SRD5A2: variants seen among roughly 807,000 people sequenced by gnomAD.
SRD5A2 encodes steroid 5 alpha-reductase 2.
Under a neutral mutation model 27.4 loss-of-function variants are expected in SRD5A2, and 30 were observed. The observed-to-expected ratio is 1.10, with a 90% CI of 0.82 to 1.49. The LOEUF (loss-of-function observed/expected upper bound fraction) is 1.49. Ranked by LOEUF, SRD5A2 falls within the 40% of genes most tolerant of loss-of-function variation. The probability of loss-of-function intolerance (pLI) is 0.00; values close to 1 mark genes in which losing one functional copy is unlikely to be tolerated. For missense variants in SRD5A2, 348 were observed against 323.4 expected (o/e 1.08, Z -0.58); for synonymous variants, 141 against 133.6 (o/e 1.06, Z -0.38).
chr2:31,622,201 A>G, the SRD5A2 span, among the ~76,000 whole-genome samples: 468 of 152,120 alleles, frequency 3.1e-3, 2 homozygotes, highest in Non-Finnish European at 4.4e-3. Context: ...GCTCCCACTT[A>G]TAAGTGAGAA....
chr2:31,643,849 T>C, the SRD5A2 span, among the ~76,000 whole-genome samples: 1 of 152,166 alleles, frequency 6.6e-6, no homozygotes, highest in African/African-American at 2.4e-5. Context: ...ATATCAACAG[T>C]CAATAAATGG....
At chr2:31,551,328 A>G (rs1324140094) in intron 1 of SRD5A2, among the ~76,000 whole-genome samples, 1 of 152,178 alleles carries the variant, frequency 6.6e-6, no homozygotes, top group Non-Finnish European at 1.5e-5. Flanking sequence ...TAAAAAATAT[A>G]GACAAGATAA....
chr2:31,536,708 G>T (rs996605077), intron 1 of SRD5A2, among the ~76,000 whole-genome samples: 4 of 150,738 alleles, frequency 2.7e-5, no homozygotes, highest in Non-Finnish European at 5.9e-5. Flanking sequence ...TTGTTTCACT[G>T]TAGAAAAAGA....
chr2:31,531,865 C>G (rs1031010352), intron 2 of SRD5A2, among the ~76,000 whole-genome samples: 1 of 152,200 alleles, frequency 6.6e-6, no homozygotes, highest in Non-Finnish European at 1.5e-5. Flanking sequence ...AGCCCCTTTT[C>G]TTTTGCCATC....
intron 1 of SRD5A2, among the ~76,000 whole-genome samples, chr2:31,575,476 G>C (rs896876683): frequency 6.6e-6 from 1 of 152,166 alleles, no homozygotes; most frequent in Admixed American, 6.5e-5. Context: ...AAAGCCCAAA[G>C]AACAGCATCA....
chr2:31,564,955 T>C (rs1666699759), intron 1 of SRD5A2, among the ~76,000 whole-genome samples: 5 of 151,964 alleles, frequency 3.3e-5, no homozygotes, highest in Admixed American at 1.3e-4. Flanking sequence ...AACTTTTTTA[T>C]TATCTTATTT....
At chr2:31,592,240 T>A in the SRD5A2 span, among the ~76,000 whole-genome samples, 2 of 150,760 alleles carry the variant, frequency 1.3e-5, no homozygotes, top group African/African-American at 4.9e-5. Flanking sequence ...CTGGAGGCCA[T>A]CCAACTCAAG....
At chr2:31,553,372 C>T (rs962902192) in intron 1 of SRD5A2, among the ~76,000 whole-genome samples, 4 of 152,168 alleles carry the variant, frequency 2.6e-5, no homozygotes, top group Non-Finnish European at 4.4e-5. Context: ...AAGAAACAAT[C>T]ACTGAAAATT....
rs149855369 is a variant in SRD5A2, at chr2:31,577,408, A to C, written c.281+3212T>G. On this transcript the variant is annotated intron_variant, in intron 1 of 4. Transcript: ENST00000622030. ...CTGTCTGTACGGTTGTTGTAAGTAG[A>C]GTTCATTCATGCATTCAACAAATTC... Among the ~76,000 whole-genome samples the C allele has an allele frequency of 5.8e-4, 89 of 152,244 alleles. 1 individual carries two copies. Among genetic ancestry groups the C allele is most frequent in the Admixed American group, 4.4e-3 (67 of 15,292 alleles).
chr2:31,603,628 G>A, the SRD5A2 span, among the ~76,000 whole-genome samples: 2 of 151,854 alleles, frequency 1.3e-5, no homozygotes, highest in South Asian at 2.1e-4. Flanking sequence ...CAATAGCAAA[G>A]ACATGGAATC....
At chr2:31,536,460 A>G (rs1666029121) in intron 1 of SRD5A2, among the ~76,000 whole-genome samples, 1 of 152,228 alleles carries the variant, frequency 6.6e-6, no homozygotes, top group Non-Finnish European at 1.5e-5. Flanking sequence ...GATTTTCTTA[A>G]TGACCATGCT....
chr2:31,610,065 C>T, the SRD5A2 span, among the ~76,000 whole-genome samples: 1 of 152,054 alleles, frequency 6.6e-6, no homozygotes, highest in African/African-American at 2.4e-5. Context: ...GACCCCAAAG[C>T]CTTCACTGTT....
At chr2:31,554,971 G>GTGTA (rs1553326424) in intron 1 of SRD5A2, among the ~76,000 whole-genome samples, 235 of 134,680 alleles carry the variant, frequency 1.7e-3, no homozygotes, top group Non-Finnish European at 2.4e-3. Flanking sequence ...GTGTGTGTAT[G>GTGTA]TGTGTGTGTG....
At position 31,525,456 on chromosome 2, in the gene SRD5A2, G is replaced by C. The variant is rs1376418782; in HGVS notation, c.*740C>G. On this transcript the variant is annotated 3_prime_UTR_variant, in exon 5 of 5. Transcript: ENST00000622030. Reference sequence around the variant, plus strand: ...CTCTACTCTCTCATAAGCCACCCAGGTTCATGCCTTTTTGTTTGTGGTTAT... The same window carrying C: ...CTCTACTCTCTCATAAGCCACCCAGCTTCATGCCTTTTTGTTTGTGGTTAT... 4.4e-6 allele frequency: 1 copy of C among 226,176 alleles called. No homozygotes were observed. The highest frequency in any genetic ancestry group is 2.2e-5 in the African/African-American group (1 of 44,942). 14.0% of individuals were successfully genotyped at this position (226,176 alleles called of 1,614,324 possible).
At position 31,526,110 on chromosome 2, in the gene SRD5A2, T is replaced by C; in HGVS notation, c.*86A>G. 1 of 899,338 alleles carries C rather than the reference T, an allele frequency of 1.1e-6. No homozygotes were observed. Among genetic ancestry groups the C allele is most frequent in the Admixed American group, 2.1e-5 (1 of 48,414 alleles). 55.7% of individuals were successfully genotyped at this position (899,338 alleles called of 1,614,324 possible). A position where few individuals can be genotyped will look rare whatever the true frequency, so the allele number is the denominator to read the frequency against. ...ACCTACTATTACATATATACGGGAC[T>C]ATTATATCATGAAAATTACAGTTTC... is the stretch of plus-strand genomic sequence containing the variant. On this transcript the variant is annotated 3_prime_UTR_variant, in exon 5 of 5. Coordinates refer to ENST00000622030, the MANE Select transcript of SRD5A2 (RefSeq NM_000348.4).
At chr2:31,533,552 G>T (rs1665960785) in intron 2 of SRD5A2, 51 bp downstream of exon 2, 2 of 1,518,380 alleles carry the variant, frequency 1.3e-6, no homozygotes, top group African/African-American at 2.8e-5. Context: ...TGTAGATTGT[G>T]GGAAGGGTTG....
chr2:31,607,582 A>G, the SRD5A2 span, among the ~76,000 whole-genome samples: 1 of 151,990 alleles, frequency 6.6e-6, no homozygotes, highest in Non-Finnish European at 1.5e-5. Flanking sequence ...GGACTTTTTC[A>G]GATAAACAAA....
At chr2:31,611,606 C>G in the SRD5A2 span, among the ~76,000 whole-genome samples, 1 of 152,044 alleles carries the variant, frequency 6.6e-6, no homozygotes, top group Non-Finnish European at 1.5e-5. Flanking sequence ...CAACATAATC[C>G]TGAAACTGCA....
Position 31,524,133 on chromosome 2 carries a change from T to C in SRD5A2, c.*2063A>G. ...CTGAGTACTGCCATTTATTGTATAT[T>C]TATTTCATCTCAAGGACCGGCCTGG... On this transcript the variant is annotated 3_prime_UTR_variant, in exon 5 of 5. Transcript: ENST00000622030. 3 of 223,112 alleles carry C rather than the reference T, an allele frequency of 1.3e-5. No homozygotes were observed. The highest frequency in any genetic ancestry group is 2.7e-5 in the Non-Finnish European group (3 of 111,582). The allele number at this position is 223,112 out of a possible 1,614,324, so 13.8% of individuals were successfully genotyped here.
Sources: allele counts gnomAD v4.1 joint callset (sites outside exome capture counted in the v4.1 genomes callset), GRCh38; gene constraint gnomAD v4.1.1; transcripts MANE v1.5; gene names NCBI Gene and HGNC (gene_info 2026-07-23, HGNC 2026-07-21).